The following SCARA5 variants were observed in gnomAD, a reference collection of about 807,000 sequenced individuals.
SCARA5 encodes scavenger receptor class A member 5.
A neutral mutation model predicts 46.3 loss-of-function variants in SCARA5; 45 were observed. That is an observed-to-expected ratio of 0.97 (90% confidence interval 0.76 to 1.24). The LOEUF (loss-of-function observed/expected upper bound fraction) is 1.24, where lower values mean the gene tolerates loss of function less well. Among genes scored for constraint, SCARA5 ranks in the 50% most tolerant of loss-of-function variants. The pLI is 0.00. For missense variants in SCARA5, 680 were observed against 689.0 expected (o/e 0.99, Z 0.15); for synonymous variants, 333 against 306.5 (o/e 1.09, Z -0.90).
intron 4 of SCARA5, among the ~76,000 whole-genome samples, chr8:27,918,827 G>A (rs2129802462): frequency 6.7e-6 from 1 of 148,670 alleles, no homozygotes; most frequent in Non-Finnish European, 1.5e-5. Context: ...AAAGGATAAG[G>A]AAGAAAGGGA....
rs191753965 is a variant in SCARA5 at position 27,982,086 on chromosome 8, G to A, written c.112+5418C>T. ...CGGGCCTGGAGGCAGCGAGCGGCCC[G>A]GCTGCAGGCGTCGGCAGCTGCCAGG... is the stretch of plus-strand genomic sequence containing the variant. On this transcript the variant is annotated intron_variant, in intron 2 of 8. Transcript: ENST00000354914. Among the ~76,000 whole-genome samples, 355 of 152,312 alleles carry A rather than the reference G, an allele frequency of 2.3e-3. 3 individuals carry two copies. The highest frequency in any genetic ancestry group is 6.1e-3 in the African/African-American group (254 of 41,576).
intron 2 of SCARA5, among the ~76,000 whole-genome samples, chr8:27,981,949 C>T (rs1808622252): frequency 6.6e-6 from 1 of 152,224 alleles, no homozygotes; most frequent in African/African-American, 2.4e-5. Flanking sequence ...CTTTGGGCAG[C>T]AGCCCAGCAG....
At chr8:27,929,735 AAGG>A (rs1408801941) in intron 3 of SCARA5, among the ~76,000 whole-genome samples, 1 of 152,212 alleles carries the variant, frequency 6.6e-6, no homozygotes, top group African/African-American at 2.4e-5. Context: ...CGGAGCAGGA[AAGG>A]AGATGACATT....
Position 27,921,817 on chromosome 8 carries a change from C to A in SCARA5, c.670G>T (p.Gly224Cys). The change falls in exon 4 of 9, where the codon GGC becomes TGC. Residue 224 changes from glycine (G) to cysteine (C), a missense_variant. Gly to Cys is a radical substitution (Grantham distance 159). Coordinates refer to ENST00000354914, the MANE Select transcript of SCARA5 (RefSeq NM_173833.6). ...GILGEELADV[G>C]GVLRGLNHSL... The stretch of plus-strand genomic sequence containing the variant: ...TGGTTGAGGCCGCGCAGCACGCCGC[C>A]CACGTCGGCCAGCTCCTCGCCCAGG... 1 of 1,549,564 alleles carries A rather than the reference C, an allele frequency of 6.5e-7. No individual in the cohort carries two copies. Among genetic ancestry groups the A allele is most frequent in the Non-Finnish European group, 8.7e-7 (1 of 1,153,332 alleles).
In SCARA5 at chr8:27,926,553, A is replaced by G. The variant is rs368588840; in HGVS notation, c.242-4308T>C. ...ATGGCACATGTTGTATCAAACCTGC[A>G]CGTTGTGCACATGTACCCTAGAACT... On this transcript the variant is annotated intron_variant, in intron 3 of 8. Transcript: ENST00000354914. Among the ~76,000 whole-genome samples the G allele has an allele frequency of 4.6e-5, 7 of 152,342 alleles. No individual in the cohort carries two copies. In the South Asian group the frequency reaches 1.4e-3, roughly 32 times the overall value.
intron 5 of SCARA5, among the ~76,000 whole-genome samples, chr8:27,908,262 C>G (rs577151138): frequency 6.6e-6 from 1 of 152,210 alleles, no homozygotes; most frequent in Non-Finnish European, 1.5e-5. Context: ...GGATTGGAGG[C>G]GAGGTCAGTA....
At chr8:27,929,311 C>T (rs1807730852) in intron 3 of SCARA5, among the ~76,000 whole-genome samples, 1 of 151,120 alleles carries the variant, frequency 6.6e-6, no homozygotes, top group South Asian at 2.1e-4. Flanking sequence ...AAAAAAATGG[C>T]ATAAGGTCAG....
At chr8:27,964,011 C>CA (rs1808327988) in intron 3 of SCARA5, among the ~76,000 whole-genome samples, 1 of 152,218 alleles carries the variant, frequency 6.6e-6, no homozygotes, top group African/African-American at 2.4e-5. Flanking sequence ...CATGGCAGGA[C>CA]ACCCAACAGA....
At chr8:27,893,577 A>G (rs1314194873) in intron 7 of SCARA5, among the ~76,000 whole-genome samples, 1 of 152,078 alleles carries the variant, frequency 6.6e-6, no homozygotes, top group East Asian at 1.9e-4. Context: ...CCTCTACTTC[A>G]AACACACAGA....
Position 27,939,349 on chromosome 8 carries a change from G to C in SCARA5, c.242-17104C>G, listed in dbSNP as rs531242117. Among the ~76,000 whole-genome samples the C allele has an allele frequency of 7.2e-5, 11 of 152,308 alleles. No homozygotes were observed. The East Asian group carries it at 1.9e-3, about 27-fold the overall frequency. Reference sequence around the variant, plus strand: ...AGTGCAAGTGGCTGGGTCAGAGCTGGGGGCTGTGTTCACGTGGTGTGGACA... The same window carrying C: ...AGTGCAAGTGGCTGGGTCAGAGCTGCGGGCTGTGTTCACGTGGTGTGGACA... On this transcript the variant is annotated intron_variant, in intron 3 of 8. Transcript: ENST00000354914.
At chr8:27,873,741 G>T (rs554469178) in intron 8 of SCARA5, among the ~76,000 whole-genome samples, 3 of 152,218 alleles carry the variant, frequency 2.0e-5, no homozygotes, top group Non-Finnish European at 2.9e-5. Context: ...CAGACTCTTG[G>T]CCAGGTGCCA....
At chr8:27,904,747 A>C (rs1450330553) in intron 7 of SCARA5, 31 bp downstream of exon 7, 5 of 1,598,394 alleles carry the variant, frequency 3.1e-6, no homozygotes, top group Admixed American at 1.7e-5. Context: ...TGCCAACACC[A>C]TATCCCACGG....
intron 4 of SCARA5, among the ~76,000 whole-genome samples, chr8:27,917,556 G>A (rs1807482474): frequency 6.6e-6 from 1 of 152,056 alleles, no homozygotes; most frequent in Non-Finnish European, 1.5e-5. Context: ...CAACAACCAG[G>A]GTTTCTGGAC....
chr8:27,922,278 C>A, intron 3 of SCARA5, 33 bp from the exon 4 acceptor site: 1 of 1,474,922 alleles, frequency 6.8e-7, no homozygotes, highest in Non-Finnish European at 9.0e-7. Context: ...ACTTGAGCAC[C>A]GCTGGGGAGG....
intron 3 of SCARA5, among the ~76,000 whole-genome samples, chr8:27,935,816 C>G (rs1476828949): frequency 6.6e-6 from 1 of 152,086 alleles, no homozygotes; most frequent in Non-Finnish European, 1.5e-5. Context: ...CTGCTCTGGG[C>G]TGCGTGGAGC....
In SCARA5 at chr8:27,907,129, G is replaced by A. The variant is rs764668216; in HGVS notation, c.1096+19C>T. On this transcript the variant is annotated intron_variant, in intron 6 of 8. Transcript: ENST00000354914. ...TGGGACTGGTGGTGAGGCTCAGGGA[G>A]AACTGAGATTGTTATTACCTTTGAA... 6.3e-7 allele frequency: 1 copy of A among 1,578,698 alleles called. No individual in the cohort carries two copies. The highest frequency in any genetic ancestry group is 1.3e-5 in the African/African-American group (1 of 74,210).
Position 27,907,235 on chromosome 8 carries a change from C to A in SCARA5, c.1009G>T (p.Glu337Ter). 1 of 1,613,118 alleles carries A rather than the reference C, an allele frequency of 6.2e-7. No individual in the cohort carries two copies. The highest frequency in any genetic ancestry group is 1.7e-5 in the Admixed American group (1 of 59,938). The change falls in exon 6 of 9, where the codon GAG becomes TAG. Residue 337 changes from glutamate (E) to a stop codon, truncating the protein, a stop_gained. Transcript: ENST00000354914. LOFTEE classifies it high-confidence loss of function. ...CCGGGCAATCCTGGGGTACCTCTCT[C>A]CCCGGGCAGACCTGGGGAGAAAACA... The part of the protein sequence containing the change: ...GLPGLRGLPG[E>*]RGTPGLPGPK...
At chr8:27,911,238 G>A (rs1019611046) in intron 4 of SCARA5, among the ~76,000 whole-genome samples, 1 of 75,032 alleles carries the variant, frequency 1.3e-5, no homozygotes, top group African/African-American at 4.0e-5. Context: ...CATTTGACAA[G>A]TAATCTCACC....
intron 7 of SCARA5, among the ~76,000 whole-genome samples, chr8:27,883,562 G>A (rs1585462056): frequency 6.6e-6 from 1 of 152,160 alleles, no homozygotes; most frequent in East Asian, 1.9e-4. Context: ...CAAGAGTGAG[G>A]GATCTCTATT....
Sources: gnomAD v4.1 joint callset for allele counts (sites outside exome capture counted in the v4.1 genomes callset) on GRCh38, gnomAD v4.1.1 for gene constraint, MANE v1.5 for transcripts, NCBI Gene and HGNC (gene_info 2026-07-23, HGNC 2026-07-21) for gene names.